Variants in TIMD4 observed in about 807,000 individuals in gnomAD.
TIMD4 encodes T-cell immunoglobulin and mucin domain-containing protein 4.
Under a neutral mutation model 41.2 loss-of-function variants are expected in TIMD4, and 31 were observed. The observed-to-expected ratio is 0.75, with a 90% CI of 0.57 to 1.01. TIMD4 has a LOEUF of 1.01. Among genes scored for constraint, TIMD4 ranks in the 50% least tolerant of loss-of-function variants. TIMD4 has a pLI of 0.00. For missense variants in TIMD4, 479 were observed against 472.5 expected, an observed-to-expected ratio of 1.01 and a Z score of -0.13; for synonymous variants, 204 against 177.1, an observed-to-expected ratio of 1.15 and a Z score of -1.21.
intron 8 of TIMD4, 60 bp downstream of exon 8, chr5:156,920,404 C>T: frequency 6.4e-7 from 1 of 1,554,414 alleles, no homozygotes; most frequent in East Asian, 2.2e-5. Context: ...TGAGTAGTAG[C>T]TAATCATTTG....
chr5:156,934,878 A>G (rs1275892697), intron 5 of TIMD4, among the ~76,000 whole-genome samples: 1 of 152,234 alleles, frequency 6.6e-6, no homozygotes, highest in Non-Finnish European at 1.5e-5. Flanking sequence ...GATATCACAT[A>G]TGTTGACTCA....
intron 5 of TIMD4, among the ~76,000 whole-genome samples, chr5:156,933,957 G>A (rs1025797952): frequency 5.0e-4 from 76 of 152,286 alleles, no homozygotes; most frequent in African/African-American, 1.7e-3. Flanking sequence ...AATTGTAAGA[G>A]CCTTCAGAAG....
intron 6 of TIMD4, chr5:156,924,183 A>G: frequency 2.2e-6 from 1 of 450,392 alleles, no homozygotes; most frequent in South Asian, 1.8e-5. Context: ...TTCAAAGTCT[A>G]TGCAGCACCA....
chr5:156,944,568 G>A (rs936032029), intron 5 of TIMD4, among the ~76,000 whole-genome samples: 8 of 140,386 alleles, frequency 5.7e-5, no homozygotes, highest in African/African-American at 1.6e-4. Context: ...ACAGTGGCGC[G>A]ATCTCGGCTC....
At chr5:156,923,086 T>C (rs984911886) in intron 6 of TIMD4, among the ~76,000 whole-genome samples, 3 of 151,700 alleles carry the variant, frequency 2.0e-5, no homozygotes, top group Non-Finnish European at 4.4e-5. Flanking sequence ...AAAAATGAGA[T>C]GGTGTCTCGC....
At position 156,954,459 on chromosome 5, in the gene TIMD4, C is replaced by T. The variant is rs1238113513; in HGVS notation, c.356G>A (p.Trp119Ter). ...CACGTTTATCTTTACATCGTTGAAC[C>T]AGCCAGGCACTTCTATGCGGCAGCA... ...VYCCRIEVPG[W>*]FNDVKINVRL... is the part of the protein sequence containing the mutation. Residue 119 changes from tryptophan (W) to a stop codon, truncating the protein, a stop_gained, in exon 2 of 9, where the codon TGG becomes TAG. Coordinates refer to ENST00000274532, the MANE Select transcript of TIMD4 (RefSeq NM_138379.3). LOFTEE classifies it high-confidence loss of function. The T allele has an allele frequency of 3.7e-6, 6 of 1,614,060 alleles. No homozygotes were observed. The African/African-American group carries it at 6.7e-5, about 18-fold the overall frequency.
intron 8 of TIMD4, among the ~76,000 whole-genome samples, chr5:156,920,246 C>T (rs1447126654): frequency 2.0e-5 from 3 of 152,162 alleles, no homozygotes; most frequent in Admixed American, 6.5e-5. Context: ...TCTATTAATC[C>T]CACCTGCCTT....
chr5:156,962,314 C>G (rs964994560), intron 1 of TIMD4, among the ~76,000 whole-genome samples: 9 of 151,794 alleles, frequency 5.9e-5, no homozygotes, highest in Non-Finnish European at 1.3e-4. Context: ...AATGAATATC[C>G]CAACTACCCT....
At chr5:156,961,918 GCAA>G (rs1232849609) in intron 1 of TIMD4, among the ~76,000 whole-genome samples, 4 of 149,880 alleles carry the variant, frequency 2.7e-5, no homozygotes, top group Non-Finnish European at 4.4e-5. Context: ...TCAGTCATTT[GCAA>G]CAACATGGAT....
At chr5:156,930,365 G>T (rs1327981256) in intron 5 of TIMD4, among the ~76,000 whole-genome samples, 3 of 152,246 alleles carry the variant, frequency 2.0e-5, no homozygotes, top group Admixed American at 2.0e-4. Flanking sequence ...TGTGATGGAG[G>T]TTGGACAGGT....
intron 4 of TIMD4, among the ~76,000 whole-genome samples, chr5:156,949,418 C>CCCTCCTCCT (rs150412627): frequency 3.1e-4 from 45 of 146,196 alleles, no homozygotes; most frequent in African/African-American, 1.1e-3. Context: ...TTCCCTACCT[C>CCCTCCTCCT]CCTCCTCCTC....
chr5:156,922,831 C>A (rs1304656515), intron 6 of TIMD4, among the ~76,000 whole-genome samples: 1 of 151,956 alleles, frequency 6.6e-6, no homozygotes, highest in African/African-American at 2.4e-5. Context: ...ATGAGATTTG[C>A]AAAAAATGTA....
At chr5:156,943,571 G>A (rs1759684543) in intron 5 of TIMD4, among the ~76,000 whole-genome samples, 2 of 152,172 alleles carry the variant, frequency 1.3e-5, no homozygotes, top group African/African-American at 4.8e-5. Flanking sequence ...TGTTATAGAG[G>A]CAGTGAACAT....
intron 1 of TIMD4, among the ~76,000 whole-genome samples, chr5:156,962,326 A>G (rs1561557591): frequency 6.6e-6 from 1 of 151,886 alleles, no homozygotes; most frequent in Non-Finnish European, 1.5e-5. Context: ...AACTACCCTG[A>G]TTCGATCATT....
At chr5:156,953,682 G>GAGAGAGAAT (rs1409809322) in intron 2 of TIMD4, among the ~76,000 whole-genome samples, 1 of 147,252 alleles carries the variant, frequency 6.8e-6, no homozygotes, top group East Asian at 2.0e-4. Flanking sequence ...AAAAGAGAGA[G>GAGAGAGAAT]AGAGAGAATA....
chr5:156,961,151 G>A (rs1753018570), intron 1 of TIMD4, among the ~76,000 whole-genome samples: 1 of 152,176 alleles, frequency 6.6e-6, no homozygotes, highest in South Asian at 2.1e-4. Flanking sequence ...GCTAATCACT[G>A]GGGAAATGCA....
At chr5:156,957,156 G>A (rs1759986585) in intron 1 of TIMD4, among the ~76,000 whole-genome samples, 1 of 152,004 alleles carries the variant, frequency 6.6e-6, no homozygotes, top group Non-Finnish European at 1.5e-5. Context: ...ATTTGGACCA[G>A]CCTGCAGCCT....
In TIMD4 at chr5:156,943,879, G is replaced by A. The variant is rs530029564; in HGVS notation, c.844+4537C>T. On this transcript the variant is annotated intron_variant, in intron 5 of 8. Transcript: ENST00000274532. ...AGCCTGGCCAATATGGTGAAACCCC[G>A]TCTCTACTAAAAATACAAAAAAAAA... Among the ~76,000 whole-genome samples the A allele has an allele frequency of 3.5e-4, 53 of 150,124 alleles. No individual in the cohort carries two copies. The East Asian group carries it at 9.4e-3, about 27-fold the overall frequency.
rs149016722 is a variant in TIMD4 at position 156,961,451 on chromosome 5, C to T, written c.58+1690G>A. Among the ~76,000 whole-genome samples the T allele has an allele frequency of 4.0e-4, 61 of 152,214 alleles. No homozygotes were observed. The East Asian group carries it at 0.011, about 27-fold the overall frequency. ...CCCATGTTTATTACAGCACTATGCA[C>T]GATAGCCAAGATATAGAAGCAACCT... On this transcript the variant is annotated intron_variant, in intron 1 of 8. Transcript: ENST00000274532.
Sources: gnomAD v4.1 joint callset for allele counts (sites outside exome capture counted in the v4.1 genomes callset) on GRCh38, gnomAD v4.1.1 for gene constraint, MANE v1.5 for transcripts, NCBI Gene and HGNC (gene_info 2026-07-23, HGNC 2026-07-21) for gene names.